PHACTR4: variants seen among roughly 807,000 people sequenced by gnomAD.
PHACTR4 encodes protein phosphatase 1, regulatory subunit 124.
PHACTR4 carries 51 observed loss-of-function variants against 72.7 expected under a neutral mutation model. The observed-to-expected ratio is 0.70, with a 90% CI of 0.56 to 0.89. The LOEUF is 0.89. Among genes scored for constraint, PHACTR4 ranks in the 40% least tolerant of loss-of-function variants. PHACTR4 has a pLI of 0.00. For missense variants in PHACTR4, 731 were observed against 861.8 expected (o/e 0.85, Z 1.90); for synonymous variants, 255 against 302.5 (o/e 0.84, Z 1.63).
intron 1 of PHACTR4, among the ~76,000 whole-genome samples, chr1:28,401,202 T>C (rs1201038439): frequency 6.6e-6 from 1 of 151,924 alleles, no homozygotes; most frequent in Non-Finnish European, 1.5e-5. Flanking sequence ...AGTTTCAAAG[T>C]ATGTTTCAAG....
chr1:28,434,511 G>A (rs950974419), intron 2 of PHACTR4, among the ~76,000 whole-genome samples: 6 of 151,716 alleles, frequency 4.0e-5, no homozygotes, highest in Admixed American at 2.0e-4. Context: ...TAGTAGAGAC[G>A]GGATTTCACC....
At chr1:28,445,733 A>G (rs1346871548) in intron 2 of PHACTR4, among the ~76,000 whole-genome samples, 1 of 152,102 alleles carries the variant, frequency 6.6e-6, no homozygotes, top group Non-Finnish European at 1.5e-5. Flanking sequence ...CTCTACAAAA[A>G]AAATGTAACA....
chr1:28,438,123 C>G, intron 2 of PHACTR4: 1 of 1,133,492 alleles, frequency 8.8e-7, no homozygotes, highest in Non-Finnish European at 1.1e-6. Context: ...TTCAGCTCTA[C>G]ACAGTGTGCA....
chr1:28,376,263 A>G (rs994789194), intron 1 of PHACTR4, among the ~76,000 whole-genome samples: 1 of 151,118 alleles, frequency 6.6e-6, no homozygotes, highest in Admixed American at 6.6e-5. Flanking sequence ...CAATGAGCCA[A>G]GATTGTGCCA....
Position 28,493,000 on chromosome 1 carries a change from G to T in PHACTR4, c.2017-15G>T, listed in dbSNP as rs748811587. 1.3e-6 allele frequency: 2 copies of T among 1,599,392 alleles called. No homozygotes were observed. The highest frequency in any genetic ancestry group is 2.2e-5 in the South Asian group (2 of 90,784). Reference sequence around the variant, plus strand: ...AGCCAGAAGAAGCTGAAACATTTTTGTCTCTACTCCACAGGCTGCCATAAG... The same window carrying T: ...AGCCAGAAGAAGCTGAAACATTTTTTTCTCTACTCCACAGGCTGCCATAAG... On this transcript the variant is annotated splice_polypyrimidine_tract_variant and intron_variant, in intron 12 of 13. Coordinates refer to ENST00000373839, the MANE Select transcript of PHACTR4 (RefSeq NM_001048183.3).
At chr1:28,478,862 A>G (rs574110717) in intron 8 of PHACTR4, among the ~76,000 whole-genome samples, 28 of 152,136 alleles carry the variant, frequency 1.8e-4, no homozygotes, top group African/African-American at 5.3e-4. Flanking sequence ...GCCTCAAGCA[A>G]TCCTCCTGCC....
In PHACTR4 at chr1:28,382,508, C is replaced by G. The variant is rs190195175; in HGVS notation, c.-39+12683C>G. Among the ~76,000 whole-genome samples, 1,228 of 151,466 alleles carry G rather than the reference C, an allele frequency of 8.1e-3. 6 individuals carry two copies. Among genetic ancestry groups the G allele is most frequent in the Non-Finnish European group, 0.014 (919 of 67,784 alleles). On this transcript the variant is annotated intron_variant, in intron 1 of 13. Coordinates refer to ENST00000373839, the MANE Select transcript of PHACTR4 (RefSeq NM_001048183.3). ...TTAGTAGAGACAAGGTTTCACCGTG[C>G]TAGCCGGGATGGTCTCGATCTCCTG...
chr1:28,433,820 C>A (rs1470010280), intron 2 of PHACTR4, among the ~76,000 whole-genome samples: 2 of 151,542 alleles, frequency 1.3e-5, no homozygotes, highest in African/African-American at 2.4e-5. Context: ...CTCGCTCTGT[C>A]ACCCAGGCTA....
chr1:28,454,669 C>T (rs1658241808), intron 2 of PHACTR4, among the ~76,000 whole-genome samples: 1 of 152,082 alleles, frequency 6.6e-6, no homozygotes, highest in Non-Finnish European at 1.5e-5. Context: ...GATTAACCAC[C>T]TTGACCTAAT....
intron 1 of PHACTR4, among the ~76,000 whole-genome samples, chr1:28,395,777 C>T (rs540978705): frequency 2.1e-3 from 304 of 144,700 alleles, no homozygotes; most frequent in Non-Finnish European, 4.1e-3. Context: ...GCTGGGACTA[C>T]AGGCACCTGC....
chr1:28,486,502 G>A (rs963074985), intron 9 of PHACTR4, among the ~76,000 whole-genome samples: 1 of 152,110 alleles, frequency 6.6e-6, no homozygotes, highest in Non-Finnish European at 1.5e-5. Flanking sequence ...GTATTATTGT[G>A]TCAGTTATAT....
chr1:28,449,537 A>T (rs898029115), intron 2 of PHACTR4, among the ~76,000 whole-genome samples: 1 of 152,110 alleles, frequency 6.6e-6, no homozygotes, highest in Non-Finnish European at 1.5e-5. Context: ...GTTTTTATAA[A>T]TATCATACAT....
intron 6 of PHACTR4, among the ~76,000 whole-genome samples, chr1:28,468,955 G>C (rs1024683519): frequency 7.9e-5 from 12 of 152,186 alleles, no homozygotes; most frequent in Non-Finnish European, 1.8e-4. Context: ...AAACTGCAGA[G>C]CTCATTCTTA....
chr1:28,424,631 G>A (rs1356613015), intron 2 of PHACTR4, among the ~76,000 whole-genome samples: 1 of 152,082 alleles, frequency 6.6e-6, no homozygotes, highest in African/African-American at 2.4e-5. Flanking sequence ...AGGGACTACA[G>A]GCACGTGCCA....
At chr1:28,373,115 A>G (rs1651368562) in intron 1 of PHACTR4, among the ~76,000 whole-genome samples, 1 of 151,870 alleles carries the variant, frequency 6.6e-6, no homozygotes, top group African/African-American at 2.4e-5. Flanking sequence ...ACACTACCAC[A>G]CTTGGCTAAT....
chr1:28,371,771 A>T (rs553521196), intron 1 of PHACTR4, among the ~76,000 whole-genome samples: 223 of 151,912 alleles, frequency 1.5e-3, no homozygotes, highest in African/African-American at 3.9e-3. Context: ...AAAAATTTTT[A>T]AAAAAATTTT....
chr1:28,439,704 C>A (rs1244252234), intron 2 of PHACTR4, among the ~76,000 whole-genome samples: 1 of 152,164 alleles, frequency 6.6e-6, no homozygotes, highest in African/African-American at 2.4e-5. Flanking sequence ...TAAAGATAAA[C>A]CTCACACTAT....
At chr1:28,371,189 T>C (rs1035664780) in intron 1 of PHACTR4, among the ~76,000 whole-genome samples, 1 of 152,240 alleles carries the variant, frequency 6.6e-6, no homozygotes, top group African/African-American at 2.4e-5. Flanking sequence ...CCTAGTTCAC[T>C]GTAGCCTCGA....
chr1:28,390,256 A>G (rs1652902619), intron 1 of PHACTR4, among the ~76,000 whole-genome samples: 1 of 152,102 alleles, frequency 6.6e-6, no homozygotes, highest in African/African-American at 2.4e-5. Context: ...CCTGGTATCA[A>G]GCGATCCTCC....
Sources: gnomAD v4.1 joint callset for allele counts (sites outside exome capture counted in the v4.1 genomes callset) on GRCh38, gnomAD v4.1.1 for gene constraint, MANE v1.5 for transcripts, NCBI Gene and HGNC (gene_info 2026-07-23, HGNC 2026-07-21) for gene names.